FER: variants seen among roughly 807,000 people sequenced by gnomAD.
The protein encoded by FER is tyrosine-protein kinase Fer.
A neutral mutation model predicts 111.0 loss-of-function variants in FER; 63 were observed. The ratio of observed to expected loss-of-function variants is 0.57; its 90% CI spans 0.46 to 0.70. The LOEUF (loss-of-function observed/expected upper bound fraction) is 0.70, where lower values mean the gene tolerates loss of function less well. Among genes scored for constraint, FER ranks in the 30% least tolerant of loss-of-function variants. The pLI, the probability that FER is intolerant of heterozygous loss-of-function variation, is 0.00. For missense variants in FER, 914 were observed against 954.0 expected (o/e 0.96, Z 0.55); for synonymous variants, 327 against 313.9 (o/e 1.04, Z -0.44).
intron 17 of FER, among the ~76,000 whole-genome samples, chr5:109,110,238 TA>T (rs1444013936): frequency 6.6e-6 from 1 of 152,064 alleles, no homozygotes; most frequent in Non-Finnish European, 1.5e-5. Flanking sequence ...AACATATTTT[TA>T]AAAAATAATA....
intron 17 of FER, among the ~76,000 whole-genome samples, chr5:109,140,709 G>A (rs1013875065): frequency 2.0e-4 from 30 of 152,078 alleles, no homozygotes; most frequent in African/African-American, 6.8e-4. Flanking sequence ...TTAGCCTTAC[G>A]CCTTGTAACT....
intron 16 of FER, among the ~76,000 whole-genome samples, chr5:109,092,284 CAAAAAAAAAAAAA>C (rs70999914): frequency 1.1e-3 from 45 of 40,426 alleles, no homozygotes; most frequent in Admixed American, 1.4e-3. Flanking sequence ...CTTATGATGG[CAAAAAAAAAAAAA>C]AAAAAAAAAA....
intron 5 of FER, among the ~76,000 whole-genome samples, chr5:108,848,738 T>C (rs1762265392): frequency 6.6e-6 from 1 of 152,112 alleles, no homozygotes; most frequent in Non-Finnish European, 1.5e-5. Context: ...TTCATATATT[T>C]ATCCAAGTAC....
At chr5:108,892,884 A>G (rs2150314007) in intron 9 of FER, among the ~76,000 whole-genome samples, 1 of 152,260 alleles carries the variant, frequency 6.6e-6, no homozygotes, top group Admixed American at 6.5e-5. Context: ...CTTTCTACAT[A>G]TGGCTAGCCA....
intron 5 of FER, among the ~76,000 whole-genome samples, chr5:108,845,861 GATAA>G (rs1761981432): frequency 6.6e-6 from 1 of 152,108 alleles, no homozygotes; most frequent in Non-Finnish European, 1.5e-5. Flanking sequence ...CATCTATTGA[GATAA>G]ATAGATACCT....
At chr5:109,034,895 C>T (rs1770150946) in intron 13 of FER, among the ~76,000 whole-genome samples, 1 of 151,958 alleles carries the variant, frequency 6.6e-6, no homozygotes, top group African/African-American at 2.4e-5. Flanking sequence ...AATTAAACCC[C>T]AGAACTGCTA....
intron 10 of FER, among the ~76,000 whole-genome samples, chr5:108,907,728 T>A (rs1464162830): frequency 6.6e-6 from 1 of 152,128 alleles, no homozygotes; most frequent in Non-Finnish European, 1.5e-5. Context: ...CAAGAAAACA[T>A]CAGATAGAAC....
chr5:108,802,687 A>G (rs1310477021), intron 3 of FER, among the ~76,000 whole-genome samples: 1 of 151,896 alleles, frequency 6.6e-6, no homozygotes, highest in African/African-American at 2.4e-5. Flanking sequence ...AAAGGGCATG[A>G]TTTCTTTCTT....
At chr5:109,160,391 A>G (rs1479122568) in intron 17 of FER, among the ~76,000 whole-genome samples, 1 of 152,182 alleles carries the variant, frequency 6.6e-6, no homozygotes, top group East Asian at 1.9e-4. Context: ...TTTCTCTATT[A>G]GTATATCAAT....
chr5:108,805,575 A>G (rs1757120070), intron 3 of FER, among the ~76,000 whole-genome samples: 1 of 152,228 alleles, frequency 6.6e-6, no homozygotes, highest in African/African-American at 2.4e-5. Context: ...CTTTGACAGA[A>G]ATACTGTTAG....
intron 17 of FER, among the ~76,000 whole-genome samples, chr5:109,117,847 C>T (rs951402374): frequency 7.2e-5 from 11 of 151,782 alleles, no homozygotes; most frequent in African/African-American, 2.7e-4. Context: ...GTGATTTTTG[C>T]ACATTGATTT....
At chr5:109,159,006 GA>G (rs1394851115) in intron 17 of FER, among the ~76,000 whole-genome samples, 3 of 152,040 alleles carry the variant, frequency 2.0e-5, no homozygotes, top group Admixed American at 6.6e-5. Context: ...TATATTGCTA[GA>G]TAAAACAAAA....
At chr5:109,186,902 G>T (rs1421572476) in intron 19 of FER, among the ~76,000 whole-genome samples, 1 of 152,208 alleles carries the variant, frequency 6.6e-6, no homozygotes, top group Non-Finnish European at 1.5e-5. Flanking sequence ...GATGAAGGAA[G>T]ATGCCTTTCT....
At chr5:108,787,121 C>T (rs1754821497) in intron 2 of FER, among the ~76,000 whole-genome samples, 1 of 152,108 alleles carries the variant, frequency 6.6e-6, no homozygotes, top group South Asian at 2.1e-4. Flanking sequence ...CCCCCTGCCC[C>T]TGTAGGCTTG....
chr5:109,149,859 C>T (rs1754628501), intron 17 of FER, among the ~76,000 whole-genome samples: 1 of 152,088 alleles, frequency 6.6e-6, no homozygotes, highest in African/African-American at 2.4e-5. Context: ...ACGGGTTCCT[C>T]GCCTGTTAGA....
chr5:108,946,018 A>G lies in FER; in HGVS notation c.1237-112A>G, dbSNP rs1756936046. 7 of 640,842 alleles carry G rather than the reference A, an allele frequency of 1.1e-5. No individual in the cohort carries two copies. The South Asian group carries it at 1.4e-4, about 13-fold the overall frequency. The allele number at this position is 640,842 out of a possible 1,614,324, so 39.7% of individuals were successfully genotyped here. On this transcript the variant is annotated intron_variant, in intron 10 of 19. Transcript: ENST00000281092. ...TTGAATGTCAGGAAGTTTATATTTT[A>G]TTTAGTTGGAAGACATGATGGATAA...
At chr5:108,958,072 A>G (rs1758662779) in intron 12 of FER, among the ~76,000 whole-genome samples, 1 of 151,712 alleles carries the variant, frequency 6.6e-6, no homozygotes, top group South Asian at 2.1e-4. Context: ...GAGTTGATTT[A>G]TTCTCCATAG....
chr5:108,761,951 C>T (rs1055347835), intron 1 of FER, among the ~76,000 whole-genome samples: 1 of 152,044 alleles, frequency 6.6e-6, no homozygotes, highest in East Asian at 1.9e-4. Flanking sequence ...CACTTTGCCA[C>T]CCAGGCTGGA....
At chr5:108,975,698 A>T (rs1037561478) in intron 13 of FER, among the ~76,000 whole-genome samples, 4 of 152,158 alleles carry the variant, frequency 2.6e-5, no homozygotes, top group African/African-American at 9.7e-5. Flanking sequence ...TGACAATGAG[A>T]TGTAAAAATG....
Sources: gnomAD v4.1 joint callset for allele counts (sites outside exome capture counted in the v4.1 genomes callset) on GRCh38, gnomAD v4.1.1 for gene constraint, MANE v1.5 for transcripts, NCBI Gene and HGNC (gene_info 2026-07-23, HGNC 2026-07-21) for gene names.